The following PCDH11X variants were observed in gnomAD, a reference collection of about 807,000 sequenced individuals.
PCDH11X encodes the protein protocadherin 11 X-linked.
In PCDH11X, 18 loss-of-function variants were observed where a neutral mutation model predicts 53.3. The observed-to-expected ratio is 0.34, with a 90% CI of 0.23 to 0.50. PCDH11X has a LOEUF of 0.50. PCDH11X is among the 20% of genes least tolerant of loss of function. The pLI is 0.98. For missense variants in PCDH11X, 570 were observed against 1,032.4 expected, an observed-to-expected ratio of 0.55 and a Z score of 6.14; for synonymous variants, 279 against 393.3, an observed-to-expected ratio of 0.71 and a Z score of 3.44.
intron 6 of PCDH11X, among the ~76,000 whole-genome samples, chrX:92,062,767 C>A (rs2063540025): frequency 9.0e-6 from 1 of 111,332 alleles, no homozygotes; most frequent in Non-Finnish European, 1.9e-5. Flanking sequence ...ATTAGTTCAA[C>A]CGTTGTGGAA....
At chrX:91,927,848 T>A (rs1311521018) in intron 6 of PCDH11X, among the ~76,000 whole-genome samples, 6 of 110,698 alleles carry the variant, frequency 5.4e-5, no homozygotes, top group Non-Finnish European at 1.1e-4. Context: ...ATTACTTAAT[T>A]TAGGTATTGG....
intron 10 of PCDH11X, among the ~76,000 whole-genome samples, chrX:92,478,499 G>A (rs970009148): frequency 4.5e-5 from 5 of 110,617 alleles, no homozygotes; most frequent in African/African-American, 1.6e-4. Flanking sequence ...TTAGATGTGG[G>A]TATTTAGTGC....
At chrX:92,215,761 C>T (rs1442167769) in intron 7 of PCDH11X, among the ~76,000 whole-genome samples, 1 of 106,697 alleles carries the variant, frequency 9.4e-6, no homozygotes, top group Non-Finnish European at 1.9e-5. Context: ...TCAAGTGTAT[C>T]CCTGACCCCT....
chrX:92,506,216 C>CTTTTTTTTTTTTTTTTTTT (rs1180678297), intron 10 of PCDH11X, among the ~76,000 whole-genome samples: 34 of 40,205 alleles, frequency 8.5e-4, no homozygotes, highest in Middle Eastern at 0.026. Context: ...CTTTTCTTTT[C>CTTTTTTTTTTTTTTTTTTT]TTTTTTTTTT....
chrX:92,157,499 A>T (rs756065078), intron 6 of PCDH11X, among the ~76,000 whole-genome samples: 1 of 112,152 alleles, frequency 8.9e-6, no homozygotes, highest in South Asian at 3.7e-4. Flanking sequence ...AAAATGACAG[A>T]GTGTAAAAGA....
intron 9 of PCDH11X, among the ~76,000 whole-genome samples, chrX:92,440,126 T>C (rs2072479429): frequency 2.9e-5 from 3 of 103,113 alleles, no homozygotes; most frequent in Non-Finnish European, 4.0e-5. Context: ...ACCATTTTTT[T>C]CCAATAATTT....
At chrX:92,271,065 G>GA (rs1290881305) in intron 8 of PCDH11X, among the ~76,000 whole-genome samples, 4 of 111,790 alleles carry the variant, frequency 3.6e-5, no homozygotes, top group African/African-American at 9.8e-5. Context: ...AAGATAGCCA[G>GA]AAAAAAACAC....
chrX:92,578,221 G>T lies in PCDH11X; in HGVS notation c.3368-40043G>T, dbSNP rs1176736440. ...ACTGAGGTCTATTGGGGGATGGGGG[G>T]CTAGGGGAGGGATAGCATTAGGAGA... On this transcript the variant is annotated intron_variant, in intron 10 of 10. Transcript: ENST00000682573. Among the ~76,000 whole-genome samples the T allele has an allele frequency of 1.0e-4, 10 of 99,093 alleles. No homozygotes were observed. In the East Asian group the frequency reaches 3.0e-3, roughly 30 times the overall value. The allele number at this position is 99,093 out of a possible 115,157, so 86.1% of individuals were successfully genotyped here.
At chrX:92,580,913 T>C (rs907511198) in intron 10 of PCDH11X, among the ~76,000 whole-genome samples, 5 of 110,831 alleles carry the variant, frequency 4.5e-5, no homozygotes, top group African/African-American at 1.6e-4. Flanking sequence ...TGCTCAACCC[T>C]GCTTTTCCTC....
chrX:92,541,975 T>A (rs990384303), intron 10 of PCDH11X, among the ~76,000 whole-genome samples: 1 of 111,259 alleles, frequency 9.0e-6, no homozygotes, highest in Non-Finnish European at 1.9e-5. Flanking sequence ...AGGCTATATA[T>A]AATACTACAC....
chrX:91,923,510 T>A (rs1363667150), intron 6 of PCDH11X, among the ~76,000 whole-genome samples: 4 of 110,502 alleles, frequency 3.6e-5, no homozygotes, highest in Non-Finnish European at 5.7e-5. Flanking sequence ...GCTTTGGGAC[T>A]CTTGGGCTTA....
At chrX:92,012,489 A>C (rs769544293) in intron 6 of PCDH11X, among the ~76,000 whole-genome samples, 1 of 111,777 alleles carries the variant, frequency 8.9e-6, no homozygotes, top group South Asian at 3.7e-4. Flanking sequence ...AATGTTTATA[A>C]ATAATTCGAA....
At chrX:91,946,276 A>T (rs1184482567) in intron 6 of PCDH11X, among the ~76,000 whole-genome samples, 1 of 107,403 alleles carries the variant, frequency 9.3e-6, no homozygotes, top group Non-Finnish European at 1.9e-5. Flanking sequence ...TAAATATTAA[A>T]TTTTGCCTTT....
chrX:92,016,829 G>A (rs1264259167), intron 6 of PCDH11X, among the ~76,000 whole-genome samples: 4 of 110,788 alleles, frequency 3.6e-5, no homozygotes, highest in African/African-American at 1.0e-4. Context: ...CATTAACAAC[G>A]TGGCTAACTT....
intron 9 of PCDH11X, among the ~76,000 whole-genome samples, chrX:92,407,555 A>G (rs903574252): frequency 1.8e-5 from 2 of 111,361 alleles, no homozygotes; most frequent in African/African-American, 6.5e-5. Flanking sequence ...TCAAAAATGT[A>G]TTACTTATTA....
Position 91,788,668 on chromosome X carries a change from C to G in PCDH11X, c.-379+8984C>G, listed in dbSNP as rs752110980. 1.3e-3 allele frequency among the ~76,000 whole-genome samples: 141 copies of G among 111,961 alleles called. 1 individual carries two copies. The highest frequency in any genetic ancestry group is 3.8e-4 in the Non-Finnish European group (20 of 53,198). ...GGAGTATGGGTCAGGCAAAGGTAGG[C>G]AGGAAAATTATGCCAAAGCAAAGCT... On this transcript the variant is annotated intron_variant, in intron 1 of 10. Coordinates refer to ENST00000682573, the MANE Select transcript of PCDH11X (RefSeq NM_032968.5).
intron 5 of PCDH11X, among the ~76,000 whole-genome samples, chrX:91,859,169 C>T (rs1201789749): frequency 8.9e-6 from 1 of 112,086 alleles, no homozygotes; most frequent in East Asian, 2.8e-4. Flanking sequence ...TTCTGACTGT[C>T]CTGAGATAGT....
intron 6 of PCDH11X, among the ~76,000 whole-genome samples, chrX:91,966,989 A>T (rs1176147128): frequency 6.0e-4 from 14 of 23,494 alleles, no homozygotes; most frequent in East Asian, 2.0e-3. Flanking sequence ...CCCACCCCCC[A>T]CCCCCCGACT....
chrX:92,070,109 T>C (rs1376039408), intron 6 of PCDH11X, among the ~76,000 whole-genome samples: 1 of 112,059 alleles, frequency 8.9e-6, no homozygotes, highest in Non-Finnish European at 1.9e-5. Flanking sequence ...TTTTTCTTTA[T>C]GTCTTATTTT....
Sources: allele counts gnomAD v4.1 joint callset (sites outside exome capture counted in the v4.1 genomes callset), GRCh38; gene constraint gnomAD v4.1.1; transcripts MANE v1.5; gene names NCBI Gene and HGNC (gene_info 2026-07-23, HGNC 2026-07-21).